The following CCDC171 variants were observed in gnomAD, a reference collection of about 807,000 sequenced individuals.
CCDC171 encodes coiled-coil domain containing 171, also known as coiled-coil domain-containing protein 171.
Under a neutral mutation model 168.2 loss-of-function variants are expected in CCDC171, and 177 were observed. The observed-to-expected ratio is 1.05, with a 90% CI of 0.93 to 1.19. The LOEUF (loss-of-function observed/expected upper bound fraction) is 1.19, where lower values mean the gene tolerates loss of function less well. Among genes scored for constraint, CCDC171 ranks in the 50% most tolerant of loss-of-function variants. The pLI is 0.00. For missense variants in CCDC171, 1,991 were observed against 1,539.0 expected, an observed-to-expected ratio of 1.29 and a Z score of -4.91; for synonymous variants, 687 against 540.8, an observed-to-expected ratio of 1.27 and a Z score of -3.75.
At chr9:15,838,193 G>A (rs1012020310) in intron 21 of CCDC171, among the ~76,000 whole-genome samples, 5 of 152,092 alleles carry the variant, frequency 3.3e-5, no homozygotes, top group African/African-American at 4.8e-5. Flanking sequence ...TCTGAGTAAC[G>A]TAAAAGTAAA....
chr9:15,631,172 A>G (rs1254493737), intron 7 of CCDC171, among the ~76,000 whole-genome samples: 1 of 152,000 alleles, frequency 6.6e-6, no homozygotes, highest in Non-Finnish European at 1.5e-5. Flanking sequence ...AACTAAAATC[A>G]GAGCAGAACT....
intron 24 of CCDC171, among the ~76,000 whole-genome samples, chr9:15,907,287 A>G (rs1822821653): frequency 1.3e-5 from 2 of 152,252 alleles, no homozygotes; most frequent in African/African-American, 2.4e-5. Context: ...CCAAAACAGC[A>G]TGGTACTGAT....
chr9:15,749,521 T>C (rs1341196517), intron 18 of CCDC171, among the ~76,000 whole-genome samples: 2 of 152,140 alleles, frequency 1.3e-5, no homozygotes, highest in African/African-American at 4.8e-5. Context: ...GAATAAACAT[T>C]CTTCTCAGCA....
intron 1 of CCDC171, among the ~76,000 whole-genome samples, chr9:15,556,150 G>A (rs2038778576): frequency 6.6e-6 from 1 of 152,180 alleles, no homozygotes; most frequent in Non-Finnish European, 1.5e-5. Flanking sequence ...ACATATGTGT[G>A]CATGTGTCTT....
intron 24 of CCDC171, among the ~76,000 whole-genome samples, chr9:15,892,691 AAAAC>A (rs559208066): frequency 7.7e-4 from 117 of 152,124 alleles, no homozygotes; most frequent in Non-Finnish European, 1.5e-3. Flanking sequence ...GTTGCTGCAA[AAAAC>A]AAACAAACAA....
At chr9:16,103,164 C>A in the CCDC171 span, among the ~76,000 whole-genome samples, 17 of 152,292 alleles carry the variant, frequency 1.1e-4, no homozygotes, top group Non-Finnish European at 5.9e-5. Flanking sequence ...AAGAGCTGTG[C>A]AATCCTGGTT....
At position 15,743,743 on chromosome 9, in the gene CCDC171, A is replaced by G. The variant is rs186472064; in HGVS notation, c.2050-530A>G. 4.6e-3 allele frequency among the ~76,000 whole-genome samples: 700 copies of G among 152,334 alleles called. 2 individuals are homozygous for G. Among genetic ancestry groups the G allele is most frequent in the Non-Finnish European group, 7.6e-3 (520 of 68,038 alleles). ...GGAGGTAAGACAGAAACTGAAATTAAGTGAGTATCCTTGAGAGACAGTGCC... is the reference window on the plus strand; with the variant it reads ...GGAGGTAAGACAGAAACTGAAATTAGGTGAGTATCCTTGAGAGACAGTGCC... On this transcript the variant is annotated intron_variant, in intron 16 of 25. Coordinates refer to ENST00000380701, the MANE Select transcript of CCDC171 (RefSeq NM_173550.4).
rs564656375 is a variant in CCDC171 at position 15,749,500 on chromosome 9, C to T, written c.2671+3869C>T. Among the ~76,000 whole-genome samples the T allele has an allele frequency of 1.4e-4, 22 of 152,282 alleles. No individual in the cohort carries two copies. In the South Asian group the frequency reaches 4.4e-3, roughly 30 times the overall value. ...ATAGACATCTACAGAACTCTCCACC[C>T]CAAATCAAAGGAATAAACATTCTTC... On this transcript the variant is annotated intron_variant, in intron 18 of 25. Coordinates refer to ENST00000380701, the MANE Select transcript of CCDC171 (RefSeq NM_173550.4).
At chr9:16,075,311 C>A in the CCDC171 span, among the ~76,000 whole-genome samples, 1 of 152,138 alleles carries the variant, frequency 6.6e-6, no homozygotes, top group South Asian at 2.1e-4. Flanking sequence ...GTTACTTTTT[C>A]TTGTAATTAA....
intron 3 of CCDC171, among the ~76,000 whole-genome samples, chr9:15,574,660 C>T (rs904817119): frequency 5.3e-5 from 8 of 152,152 alleles, no homozygotes; most frequent in Non-Finnish European, 8.8e-5. Flanking sequence ...TCCAACTGTA[C>T]GCATCAGGAA....
chr9:15,816,112 C>T (rs1288646029), intron 21 of CCDC171, among the ~76,000 whole-genome samples: 1 of 117,186 alleles, frequency 8.5e-6, no homozygotes, highest in Non-Finnish European at 1.9e-5. Flanking sequence ...ATGATAATTT[C>T]CTTTTTTCAA....
At chr9:15,880,463 C>CTCT (rs1818476092) in intron 24 of CCDC171, among the ~76,000 whole-genome samples, 2 of 141,030 alleles carry the variant, frequency 1.4e-5, no homozygotes, top group African/African-American at 5.3e-5. Context: ...CTCTCTCTCT[C>CTCT]TTTTTTTTTT....
At chr9:15,614,377 G>C (rs1387366583) in intron 6 of CCDC171, among the ~76,000 whole-genome samples, 1 of 152,154 alleles carries the variant, frequency 6.6e-6, no homozygotes, top group Non-Finnish European at 1.5e-5. Context: ...GAAGCAATCA[G>C]GAGCTGGTGG....
intron 11 of CCDC171, 33 bp downstream of exon 11, chr9:15,695,370 T>G: frequency 2.4e-5 from 35 of 1,434,868 alleles, no homozygotes; most frequent in Non-Finnish European, 3.3e-5. Context: ...CAGATGCATC[T>G]GTCAATGTTC....
At chr9:15,644,456 C>T (rs182554678) in intron 7 of CCDC171, among the ~76,000 whole-genome samples, 36 of 152,212 alleles carry the variant, frequency 2.4e-4, no homozygotes, top group Admixed American at 7.2e-4. Flanking sequence ...TCGTCTCACC[C>T]GGGAAGTGCA....
intron 6 of CCDC171, among the ~76,000 whole-genome samples, chr9:15,621,533 T>A (rs1158691540): frequency 1.3e-5 from 2 of 152,130 alleles, no homozygotes; most frequent in Non-Finnish European, 2.9e-5. Flanking sequence ...TGCTATAGAA[T>A]AGTAATCTTA....
intron 7 of CCDC171, among the ~76,000 whole-genome samples, chr9:15,655,349 C>A (rs368383231): frequency 1.8e-4 from 28 of 152,240 alleles, no homozygotes; most frequent in African/African-American, 6.3e-4. Flanking sequence ...CTTTTCTTTG[C>A]TACTGTTATG....
chr9:15,934,987 A>T (rs1016169879), intron 25 of CCDC171, among the ~76,000 whole-genome samples: 3 of 152,078 alleles, frequency 2.0e-5, no homozygotes, highest in African/African-American at 7.2e-5. Context: ...CACATTAGTG[A>T]TTGACAGAGG....
Position 15,727,944 on chromosome 9 carries a change from A to G in CCDC171, c.1768A>G (p.Met590Val). The G allele has an allele frequency of 6.2e-7, 1 of 1,613,414 alleles. No individual in the cohort carries two copies. The part of the protein sequence containing the change: ...GCVLIKQPEG[M>V]LDKFSWSELC... The stretch of plus-strand genomic sequence containing the variant: ...TGTGCTCATAAAACAACCAGAAGGC[A>G]TGCTGGATAAATTCTCTTGGTCTGA... Residue 590 changes from methionine to valine, a missense_variant, in exon 15 of 26, where the codon ATG becomes GTG. Physicochemically the swap from Met to Val is conservative, Grantham distance 21. Coordinates refer to ENST00000380701, the MANE Select transcript of CCDC171 (RefSeq NM_173550.4).
Sources: gnomAD v4.1 joint callset for allele counts (sites outside exome capture counted in the v4.1 genomes callset) on GRCh38, gnomAD v4.1.1 for gene constraint, MANE v1.5 for transcripts, NCBI Gene and HGNC (gene_info 2026-07-23, HGNC 2026-07-21) for gene names.